Variants in GNAO1 observed in about 807,000 individuals in gnomAD.
GNAO1 encodes G protein subunit alpha o1.
For missense variants in GNAO1, 166 were observed against 478.7 expected, an observed-to-expected ratio of 0.35 and a Z score of 6.10; for synonymous variants, 164 against 180.7, an observed-to-expected ratio of 0.91 and a Z score of 0.74.
At chr16:56,285,520 C>G (rs1199729299) in intron 3 of GNAO1, among the ~76,000 whole-genome samples, 1 of 152,146 alleles carries the variant, frequency 6.6e-6, no homozygotes, top group African/African-American at 2.4e-5. Flanking sequence ...GGTGGCAAAC[C>G]AGCTGCCAAG....
chr16:56,213,239 T>A (rs1020799501), intron 2 of GNAO1: 2 of 398,502 alleles, frequency 5.0e-6, no homozygotes, highest in African/African-American at 4.1e-5. Flanking sequence ...GAGGTTATTC[T>A]TTCTTTCTTC....
intron 3 of GNAO1, among the ~76,000 whole-genome samples, chr16:56,317,852 G>A (rs190859332): frequency 2.0e-4 from 31 of 152,238 alleles, no homozygotes; most frequent in Middle Eastern, 3.4e-3. Context: ...GAGGAACCAG[G>A]AAGGTTCCCT....
chr16:56,200,786 G>A (rs529870504), intron 2 of GNAO1, among the ~76,000 whole-genome samples: 8 of 152,330 alleles, frequency 5.3e-5, no homozygotes, highest in Middle Eastern at 3.4e-3. Flanking sequence ...TCTGGAGGTG[G>A]TAGTAATGGT....
At chr16:56,294,986 A>T (rs2037270752) in intron 3 of GNAO1, among the ~76,000 whole-genome samples, 1 of 152,090 alleles carries the variant, frequency 6.6e-6, no homozygotes, top group Admixed American at 6.6e-5. Flanking sequence ...ATGAGTTTTA[A>T]GATTTTTTTA....
At chr16:56,352,098 C>T (rs1352497422) in intron 7 of GNAO1, 1 of 153,884 alleles carries the variant, frequency 6.5e-6, no homozygotes, top group Non-Finnish European at 1.4e-5. Flanking sequence ...CCTCCCCAAC[C>T]CCAGCCCCAT....
intron 6 of GNAO1, among the ~76,000 whole-genome samples, chr16:56,341,951 C>T (rs1222845229): frequency 6.6e-6 from 1 of 152,190 alleles, no homozygotes; most frequent in Non-Finnish European, 1.5e-5. Context: ...TGGGGCATCC[C>T]GGGGGCTTGG....
intron 3 of GNAO1, among the ~76,000 whole-genome samples, chr16:56,313,192 C>T (rs2037476512): frequency 6.6e-6 from 1 of 152,150 alleles, no homozygotes; most frequent in Non-Finnish European, 1.5e-5. Context: ...TTTGGCAGAA[C>T]TTATGAAGAT....
intron 3 of GNAO1, among the ~76,000 whole-genome samples, chr16:56,304,158 C>A (rs140247027): frequency 1.1e-4 from 17 of 152,346 alleles, no homozygotes; most frequent in African/African-American, 3.8e-4. Flanking sequence ...AACACAGAGG[C>A]TGGTGGGAGC....
intron 2 of GNAO1, among the ~76,000 whole-genome samples, chr16:56,238,641 C>T (rs2036664701): frequency 6.6e-6 from 1 of 152,252 alleles, no homozygotes; most frequent in South Asian, 2.1e-4. Context: ...TGATCTCTTT[C>T]CACGCTGCAG....
chr16:56,289,493 A>G (rs1284578003), intron 3 of GNAO1, among the ~76,000 whole-genome samples: 1 of 152,208 alleles, frequency 6.6e-6, no homozygotes, highest in Non-Finnish European at 1.5e-5. Flanking sequence ...AAACACTGTC[A>G]AGTGTTAACA....
At chr16:56,226,777 G>A (rs1453702266) in intron 2 of GNAO1, among the ~76,000 whole-genome samples, 9 of 152,290 alleles carry the variant, frequency 5.9e-5, no homozygotes, top group South Asian at 2.1e-4. Context: ...ACAATAAACC[G>A]AGGATGCAAG....
chr16:56,297,434 T>C (rs920621321), intron 3 of GNAO1, among the ~76,000 whole-genome samples: 16 of 152,010 alleles, frequency 1.1e-4, no homozygotes, highest in African/African-American at 3.9e-4. Context: ...ACCTGGGATT[T>C]CTAAATCCAA....
chr16:56,312,411 C>T (rs2037469014), intron 3 of GNAO1, among the ~76,000 whole-genome samples: 2 of 152,232 alleles, frequency 1.3e-5, no homozygotes, highest in Admixed American at 6.5e-5. Flanking sequence ...CTCTTTGACA[C>T]CAGGCCCCTG....
chr16:56,276,817 C>G (rs1343798651), intron 3 of GNAO1: 1 of 152,134 alleles, frequency 6.6e-6, no homozygotes, highest in Non-Finnish European at 1.5e-5. Flanking sequence ...CTCTTTGTCC[C>G]TGTTTGGGAC....
chr16:56,350,900 C>T (rs1273210857), intron 6 of GNAO1, among the ~76,000 whole-genome samples: 1 of 152,192 alleles, frequency 6.6e-6, no homozygotes, highest in Non-Finnish European at 1.5e-5. Flanking sequence ...CGCCCACACA[C>T]ACAGGCACAC....
chr16:56,265,333 A>C (rs1175971723), intron 2 of GNAO1, among the ~76,000 whole-genome samples: 1 of 152,200 alleles, frequency 6.6e-6, no homozygotes, highest in Non-Finnish European at 1.5e-5. Context: ...CCTCTTATGC[A>C]TGTCCACAGC....
At chr16:56,195,074 C>CT (rs76130140) in intron 2 of GNAO1, among the ~76,000 whole-genome samples, 10,664 of 93,556 alleles carry the variant, frequency 0.11, 502 homozygotes, top group African/African-American at 0.18. Context: ...TTTACTTCTC[C>CT]TTTTTTTTTT....
intron 6 of GNAO1, chr16:56,347,283 C>T (rs1032185739): frequency 1.0e-5 from 10 of 985,452 alleles, no homozygotes; most frequent in Non-Finnish European, 1.2e-5. Flanking sequence ...GGCTCCAGCT[C>T]CGCGGCCACC....
intron 6 of GNAO1, among the ~76,000 whole-genome samples, chr16:56,339,232 G>A (rs2037774445): frequency 6.6e-6 from 1 of 152,240 alleles, no homozygotes; most frequent in Non-Finnish European, 1.5e-5. Context: ...CTGGTCCAGG[G>A]TCTAGCATCA....
Sources: gnomAD v4.1 joint callset for allele counts (sites outside exome capture counted in the v4.1 genomes callset) on GRCh38, gnomAD v4.1.1 for gene constraint, MANE v1.5 for transcripts, NCBI Gene and HGNC (gene_info 2026-07-23, HGNC 2026-07-21) for gene names.